SORCS3: variants seen among roughly 807,000 people sequenced by gnomAD.
SORCS3 encodes the protein VPS10 domain-containing receptor SorCS3.
Under a neutral mutation model 146.3 loss-of-function variants are expected in SORCS3, and 57 were observed. That is an observed-to-expected ratio of 0.39 (90% CI 0.31 to 0.49). The LOEUF (loss-of-function observed/expected upper bound fraction) is 0.49, where lower values mean the gene tolerates loss of function less well. Ranked by LOEUF, SORCS3 falls within the 20% of genes least tolerant of loss-of-function variation. The pLI is 0.92. For missense variants in SORCS3, 1,341 were observed against 1,575.5 expected, an observed-to-expected ratio of 0.85 and a Z score of 2.52; for synonymous variants, 653 against 618.5, an observed-to-expected ratio of 1.06 and a Z score of -0.83.
At chr10:104,931,830 G>A (rs2019211471) in intron 3 of SORCS3, among the ~76,000 whole-genome samples, 1 of 152,212 alleles carries the variant, frequency 6.6e-6, no homozygotes, top group Non-Finnish European at 1.5e-5. Context: ...GGCCAGACAA[G>A]AAGGACAGTC....
At chr10:104,977,660 C>T (rs2054908285) in intron 4 of SORCS3, among the ~76,000 whole-genome samples, 167 bp downstream of exon 4, 1 of 151,842 alleles carries the variant, frequency 6.6e-6, no homozygotes. Flanking sequence ...TTCCTTTCTG[C>T]TCTTAAGTAT....
At chr10:105,112,886 G>A (rs947752887) in intron 7 of SORCS3, among the ~76,000 whole-genome samples, 3 of 152,042 alleles carry the variant, frequency 2.0e-5, no homozygotes, top group African/African-American at 4.8e-5. Context: ...CTTAAATTTC[G>A]AACTTTTAAA....
intron 3 of SORCS3, among the ~76,000 whole-genome samples, chr10:104,933,622 C>T (rs1226466181): frequency 6.6e-6 from 1 of 152,156 alleles, no homozygotes; most frequent in East Asian, 1.9e-4. Context: ...AGGCAACCAC[C>T]AACGCCTGCT....
intron 14 of SORCS3, among the ~76,000 whole-genome samples, chr10:105,191,629 C>T (rs1294824441): frequency 6.6e-6 from 1 of 152,118 alleles, no homozygotes; most frequent in Admixed American, 6.5e-5. Context: ...GGACTGGTTT[C>T]GTGGAAGACA....
At chr10:105,045,021 G>GAAAAAAAAAAAAAAAAAAA (rs35904016) in intron 5 of SORCS3, among the ~76,000 whole-genome samples, 1 of 118,008 alleles carries the variant, frequency 8.5e-6, no homozygotes, top group African/African-American at 3.4e-5. Context: ...TCCAGAATTC[G>GAAAAAAAAAAAAAAAAAAA]AAAAAAAAAA....
intron 14 of SORCS3, among the ~76,000 whole-genome samples, chr10:105,181,026 C>A (rs74963404): frequency 1.6e-4 from 25 of 152,302 alleles, no homozygotes; most frequent in African/African-American, 6.0e-4. Flanking sequence ...GATGCACACA[C>A]ATGTGCACAC....
At chr10:105,142,953 C>T (rs2056105627) in intron 8 of SORCS3, among the ~76,000 whole-genome samples, 1 of 152,172 alleles carries the variant, frequency 6.6e-6, no homozygotes, top group East Asian at 1.9e-4. Flanking sequence ...TTTTACATTT[C>T]CCCAAATACT....
intron 7 of SORCS3, among the ~76,000 whole-genome samples, chr10:105,118,990 C>A (rs927022790): frequency 2.6e-5 from 4 of 152,180 alleles, no homozygotes; most frequent in African/African-American, 9.7e-5. Flanking sequence ...ATCATCAAGA[C>A]AATGGGGAAA....
At chr10:104,681,711 A>AT (rs1473263425) in intron 1 of SORCS3, among the ~76,000 whole-genome samples, 2 of 151,946 alleles carry the variant, frequency 1.3e-5, no homozygotes, top group African/African-American at 4.8e-5. Context: ...TCCTGGGTCC[A>AT]TCTACACTAG....
intron 1 of SORCS3, among the ~76,000 whole-genome samples, chr10:104,753,401 G>C (rs886327093): frequency 6.6e-6 from 1 of 152,168 alleles, no homozygotes; most frequent in African/African-American, 2.4e-5. Context: ...ATTGGGCCAG[G>C]TTATGTCAAG....
At chr10:105,117,915 C>T (rs901553325) in intron 7 of SORCS3, among the ~76,000 whole-genome samples, 2 of 152,124 alleles carry the variant, frequency 1.3e-5, no homozygotes, top group Non-Finnish European at 2.9e-5. Flanking sequence ...TCGTTGCTTC[C>T]TCAATAAGGT....
At chr10:105,154,703 AGTGAGG>A (rs1446600195) in intron 9 of SORCS3, among the ~76,000 whole-genome samples, 1 of 152,228 alleles carries the variant, frequency 6.6e-6, no homozygotes, top group Non-Finnish European at 1.5e-5. Flanking sequence ...CATTGCATTT[AGTGAGG>A]GTGCGTAGTC....
At chr10:104,794,071 G>T (rs1205352786) in intron 1 of SORCS3, among the ~76,000 whole-genome samples, 2 of 152,186 alleles carry the variant, frequency 1.3e-5, no homozygotes, top group African/African-American at 4.8e-5. Flanking sequence ...CAGTTTTCAT[G>T]GCAGAGGAAA....
chr10:104,650,408 C>T (rs1205792400), intron 1 of SORCS3, among the ~76,000 whole-genome samples: 1 of 152,162 alleles, frequency 6.6e-6, no homozygotes, highest in Non-Finnish European at 1.5e-5. Flanking sequence ...GTATGATGAT[C>T]CATAGATGAA....
Position 105,117,670 on chromosome 10 carries a change from C to G in SORCS3, c.1212+12155C>G, listed in dbSNP as rs79209804. Among the ~76,000 whole-genome samples the G allele has an allele frequency of 1.2e-4, 18 of 152,308 alleles. 1 individual carries two copies. In the East Asian group the frequency reaches 3.3e-3, roughly 28 times the overall value. ...CTCTGTAAGTCTCCCATGTTTCATT[C>G]ACAATCAAATTTTTTGAGCACTAGC... On this transcript the variant is annotated intron_variant, in intron 7 of 26. Coordinates refer to ENST00000369701, the MANE Select transcript of SORCS3 (RefSeq NM_014978.3).
intron 1 of SORCS3, among the ~76,000 whole-genome samples, chr10:104,701,531 G>A (rs1266975403): frequency 6.6e-6 from 1 of 152,136 alleles, no homozygotes; most frequent in African/African-American, 2.4e-5. Flanking sequence ...CCAACGGATC[G>A]TAGCCAAGAA....
intron 3 of SORCS3, among the ~76,000 whole-genome samples, chr10:104,940,179 A>G (rs1337817812): frequency 1.6e-5 from 2 of 128,602 alleles, no homozygotes; most frequent in African/African-American, 5.1e-5. Context: ...AATTTCCAGA[A>G]CCGAGAGTTC....
chr10:104,732,632 G>A (rs547853642), intron 1 of SORCS3, among the ~76,000 whole-genome samples: 11 of 152,242 alleles, frequency 7.2e-5, no homozygotes, highest in African/African-American at 2.4e-4. Context: ...GCTCTTGCAC[G>A]CGTGCATGCT....
chr10:104,805,354 A>G (rs1353105676), intron 1 of SORCS3, among the ~76,000 whole-genome samples: 1 of 152,250 alleles, frequency 6.6e-6, no homozygotes, highest in African/African-American at 2.4e-5. Context: ...AAGTCATCCA[A>G]GCCTCAAGAA....
Sources: gnomAD v4.1 joint callset for allele counts (sites outside exome capture counted in the v4.1 genomes callset) on GRCh38, gnomAD v4.1.1 for gene constraint, MANE v1.5 for transcripts, NCBI Gene and HGNC (gene_info 2026-07-23, HGNC 2026-07-21) for gene names.